Variants in LRRK2 observed in about 807,000 individuals in gnomAD.
The protein encoded by LRRK2 is leucine rich repeat kinase 2.
LRRK2 carries 203 observed loss-of-function variants against 302.6 expected under a neutral mutation model. The ratio of observed to expected loss-of-function variants is 0.67; its 90% CI spans 0.60 to 0.75. LRRK2 has a LOEUF of 0.75. Among genes scored for constraint, LRRK2 ranks in the 30% least tolerant of loss-of-function variants. The pLI is 0.00. For missense variants in LRRK2, 2,830 were observed against 2,951.0 expected (o/e 0.96, Z 0.95); for synonymous variants, 1,066 against 1,031.9 (o/e 1.03, Z -0.63).
chr12:40,283,742 T>C, intron 18 of LRRK2, 133 bp from the exon 19 acceptor site: 1 of 704,576 alleles, frequency 1.4e-6, no homozygotes, highest in Non-Finnish European at 2.3e-6. Context: ...CAAGGATCAG[T>C]TTTGCCTTAT....
At chr12:40,294,007 G>A (rs1307217708) in intron 21 of LRRK2, among the ~76,000 whole-genome samples, 3 of 151,474 alleles carry the variant, frequency 2.0e-5, no homozygotes, top group African/African-American at 7.3e-5. Context: ...AATGGTGTGG[G>A]TTGGTCCCAT....
At chr12:40,276,547 C>T (rs373949571) in intron 16 of LRRK2, among the ~76,000 whole-genome samples, 1 of 152,302 alleles carries the variant, frequency 6.6e-6, no homozygotes, top group East Asian at 1.9e-4. Flanking sequence ...TCACTCACCT[C>T]GGACTCCCAA....
Position 40,346,908 on chromosome 12 carries a change from C to T in LRRK2, c.6265C>T (p.Gln2089Ter). The change falls in exon 42 of 51, where the codon CAA (glutamine) becomes TAA (stop). Residue 2089 changes from glutamine (Q) to a stop codon, truncating the protein, a stop_gained. Coordinates refer to ENST00000298910, the MANE Select transcript of LRRK2 (RefSeq NM_198578.4). LOFTEE classifies it high-confidence loss of function. The stretch of plus-strand genomic sequence containing the variant: ...AAATGAGTTTGATGAATTAGAAATA[C>T]AAGGAAAATTACCTGGTAAGTTCTG... The part of the protein sequence containing the change: ...FPNEFDELEI[Q>*]GKLPDPVKEY... 1.2e-6 allele frequency: 2 copies of T among 1,611,310 alleles called. No individual in the cohort carries two copies. The highest frequency in any genetic ancestry group is 1.7e-6 in the Non-Finnish European group (2 of 1,179,268).
At chr12:40,267,492 C>A (rs1943067506) in intron 14 of LRRK2, among the ~76,000 whole-genome samples, 1 of 152,046 alleles carries the variant, frequency 6.6e-6, no homozygotes, top group Non-Finnish European at 1.5e-5. Flanking sequence ...TTCCAGTTAG[C>A]CAACATTCTC....
At chr12:40,348,051 AGGATTAAAT>A (rs1309410520) in intron 42 of LRRK2, among the ~76,000 whole-genome samples, 2 of 152,238 alleles carry the variant, frequency 1.3e-5, no homozygotes, top group East Asian at 3.8e-4. Flanking sequence ...TGAGGACATA[AGGATTAAAT>A]GCTTGCTTAC....
intron 23 of LRRK2, among the ~76,000 whole-genome samples, chr12:40,296,154 T>A (rs1327715678): frequency 1.3e-5 from 2 of 152,172 alleles, no homozygotes; most frequent in East Asian, 3.8e-4. Context: ...ACTTAAAGAT[T>A]TTTTTCTTTT....
chr12:40,309,323 A>G, intron 30 of LRRK2, 90 bp downstream of exon 30: 2 of 1,479,750 alleles, frequency 1.4e-6, no homozygotes, highest in Non-Finnish European at 1.8e-6. Flanking sequence ...TATTTTGGGC[A>G]AACAATTGCT....
intron 13 of LRRK2, among the ~76,000 whole-genome samples, chr12:40,262,946 G>A (rs1171235065): frequency 6.6e-6 from 1 of 152,110 alleles, no homozygotes; most frequent in Non-Finnish European, 1.5e-5. Context: ...GTTGGAGGAG[G>A]GTGGTTATCA....
In LRRK2 at chr12:40,227,791, G is replaced by A. The variant is rs569145417; in HGVS notation, c.237+2151G>A. Reference sequence around the variant, plus strand: ...GCTCACTGCAGGCCTGCAATCCTGGGCTGAAGTAGTCCTCCTGCCTCAGCC... The same window carrying A: ...GCTCACTGCAGGCCTGCAATCCTGGACTGAAGTAGTCCTCCTGCCTCAGCC... On this transcript the variant is annotated intron_variant, in intron 2 of 50. Transcript: ENST00000298910. 3 of 152,322 alleles carry A rather than the reference G, an allele frequency of 2.0e-5. No homozygotes were observed. The East Asian group carries it at 5.8e-4, about 29-fold the overall frequency. 9.4% of individuals were successfully genotyped at this position (152,322 alleles called of 1,614,324 possible). A position where few individuals can be genotyped will look rare whatever the true frequency, so the allele number is the denominator to read the frequency against.
At chr12:40,358,189 A>G (rs1946601082) in intron 46 of LRRK2, among the ~76,000 whole-genome samples, 1 of 151,216 alleles carries the variant, frequency 6.6e-6, no homozygotes, top group African/African-American at 2.4e-5. Context: ...GATCCTCTCT[A>G]TATTGTTGAT....
chr12:40,284,811 A>G (rs764578598), intron 19 of LRRK2, among the ~76,000 whole-genome samples: 1 of 152,124 alleles, frequency 6.6e-6, no homozygotes, highest in Non-Finnish European at 1.5e-5. Context: ...CCCCATGGTC[A>G]TCAAACTCCA....
intron 12 of LRRK2, among the ~76,000 whole-genome samples, chr12:40,258,887 G>C (rs1265995007): frequency 6.6e-6 from 1 of 152,180 alleles, no homozygotes. Flanking sequence ...AGGATTGACT[G>C]TATTAAAGTT....
chr12:40,353,807 C>A (rs1363075228), intron 44 of LRRK2, among the ~76,000 whole-genome samples: 1 of 152,238 alleles, frequency 6.6e-6, no homozygotes, highest in Non-Finnish European at 1.5e-5. Context: ...CACAGCGAAA[C>A]CCCGTCTCCA....
chr12:40,241,448 G>A (rs1243379107), intron 6 of LRRK2, among the ~76,000 whole-genome samples: 1 of 152,076 alleles, frequency 6.6e-6, no homozygotes, highest in Non-Finnish European at 1.5e-5. Flanking sequence ...CTAAAATAAT[G>A]GTTCATATTC....
chr12:40,362,739 C>A (rs1004813363), intron 47 of LRRK2, among the ~76,000 whole-genome samples: 4 of 151,936 alleles, frequency 2.6e-5, no homozygotes, highest in Admixed American at 6.6e-5. Context: ...GGTAGCCAAT[C>A]TGTTTGTGAA....
chr12:40,355,935 G>A (rs573022622), intron 45 of LRRK2, among the ~76,000 whole-genome samples, 180 bp from the exon 46 acceptor site: 2 of 152,268 alleles, frequency 1.3e-5, no homozygotes, highest in Admixed American at 6.5e-5. Context: ...TCTGGGAAAA[G>A]GGGCAGAGAA....
Position 40,265,847 on chromosome 12 carries a change from G to A in LRRK2, c.1656+1946G>A, listed in dbSNP as rs7313276. Among the ~76,000 whole-genome samples, 24 of 151,894 alleles carry A rather than the reference G, an allele frequency of 1.6e-4. 1 individual carries two copies. The highest frequency in any genetic ancestry group is 6.6e-4 in the Admixed American group (10 of 15,224). On this transcript the variant is annotated intron_variant, in intron 14 of 50. Coordinates refer to ENST00000298910, the MANE Select transcript of LRRK2 (RefSeq NM_198578.4). ...GAACAGAGCCCTCAGAAATAATGCC[G>A]CATATCTACAACCATCTGATCTTTG...
chr12:40,337,414 A>G (rs1945905825), intron 40 of LRRK2, among the ~76,000 whole-genome samples: 1 of 152,164 alleles, frequency 6.6e-6, no homozygotes, highest in African/African-American at 2.4e-5. Flanking sequence ...CATTTTCTGT[A>G]TGTTTCTGTG....
At chr12:40,232,887 A>C (rs2723267) in intron 3 of LRRK2, 148,368 of 152,586 alleles carry the variant, frequency 0.97, 72,265 homozygotes, top group Middle Eastern at 1. Flanking sequence ...GAGGAAATTA[A>C]CTTTCAGCAC....
Sources: allele counts gnomAD v4.1 joint callset (sites outside exome capture counted in the v4.1 genomes callset), GRCh38; gene constraint gnomAD v4.1.1; transcripts MANE v1.5; gene names NCBI Gene and HGNC (gene_info 2026-07-23, HGNC 2026-07-21).